TENM3: variants seen among roughly 807,000 people sequenced by gnomAD.
TENM3 encodes the protein teneurin-3.
In TENM3, 63 loss-of-function variants were observed where a neutral mutation model predicts 255.1. That is an observed-to-expected ratio of 0.25 (90% CI 0.20 to 0.30). The LOEUF (loss-of-function observed/expected upper bound fraction) is 0.30, where lower values mean the gene tolerates loss of function less well. Ranked by LOEUF, TENM3 falls within the 10% of genes least tolerant of loss-of-function variation. TENM3 has a pLI of 1.00. For missense variants in TENM3, 2,929 were observed against 3,461.1 expected, an observed-to-expected ratio of 0.85 and a Z score of 3.86; for synonymous variants, 1,306 against 1,322.3, an observed-to-expected ratio of 0.99 and a Z score of 0.27.
chr4:181,649,670 ATTTG>A, the TENM3 span, among the ~76,000 whole-genome samples: 1 of 152,214 alleles, frequency 6.6e-6, no homozygotes, highest in Non-Finnish European at 1.5e-5. Flanking sequence ...AGAATCCGTG[ATTTG>A]TTTGTTTTAA....
the TENM3 span, among the ~76,000 whole-genome samples, chr4:181,572,058 C>CA: frequency 2.6e-5 from 4 of 152,048 alleles, no homozygotes; most frequent in South Asian, 4.1e-4. Context: ...AGAGATGCTG[C>CA]AAAAAATTTC....
chr4:182,599,215 A>G (rs1467832557), intron 3 of TENM3, among the ~76,000 whole-genome samples: 1 of 152,216 alleles, frequency 6.6e-6, no homozygotes, highest in Non-Finnish European at 1.5e-5. Context: ...TGAATAATAA[A>G]TCTTTCATGA....
At chr4:181,454,633 C>T in the TENM3 span, among the ~76,000 whole-genome samples, 1 of 51,138 alleles carries the variant, frequency 2.0e-5, no homozygotes. Context: ...CATTTTTATA[C>T]CATTTTTTTC....
chr4:182,539,324 G>A (rs907797497), intron 3 of TENM3, among the ~76,000 whole-genome samples: 3 of 151,908 alleles, frequency 2.0e-5, no homozygotes, highest in Non-Finnish European at 4.4e-5. Flanking sequence ...TGCTCTGCTT[G>A]ATTCATTTAC....
chr4:182,788,134 C>T (rs939096419), intron 24 of TENM3, among the ~76,000 whole-genome samples: 4 of 152,008 alleles, frequency 2.6e-5, no homozygotes, highest in African/African-American at 9.7e-5. Context: ...TTAAGATGTT[C>T]CCATTTAATT....
intron 1 of TENM3, among the ~76,000 whole-genome samples, chr4:182,166,500 G>A (rs2149673319): frequency 6.6e-6 from 1 of 150,712 alleles, no homozygotes; most frequent in East Asian, 2.0e-4. Context: ...GTATCATTTT[G>A]CAGCTGCCAA....
Position 182,760,367 on chromosome 4 carries a change from T to C in TENM3, c.4892+5108T>C, listed in dbSNP as rs139249288. On this transcript the variant is annotated intron_variant, in intron 22 of 27. Transcript: ENST00000511685. ...AAGAAGTGAAATCCAGTGTATTGAA[T>C]TGGGGAACAGAATACGTTATTTAAT... 6.0e-3 allele frequency among the ~76,000 whole-genome samples: 915 copies of C among 152,280 alleles called. 8 individuals carry two copies. Among genetic ancestry groups the C allele is most frequent in the African/African-American group, 0.021 (881 of 41,550 alleles).
At chr4:181,631,175 T>A in the TENM3 span, among the ~76,000 whole-genome samples, 1 of 152,206 alleles carries the variant, frequency 6.6e-6, no homozygotes, top group Non-Finnish European at 1.5e-5. Flanking sequence ...AGCATCCTGA[T>A]GTCTGTTAGC....
At chr4:182,212,400 A>G (rs1755108535) in intron 1 of TENM3, among the ~76,000 whole-genome samples, 1 of 152,226 alleles carries the variant, frequency 6.6e-6, no homozygotes, top group Non-Finnish European at 1.5e-5. Flanking sequence ...AACAGGCAAG[A>G]ACGCGCCTGG....
the TENM3 span, among the ~76,000 whole-genome samples, chr4:182,100,516 C>A: frequency 1.4e-5 from 2 of 143,906 alleles, no homozygotes; most frequent in Admixed American, 7.1e-5. Context: ...CATATATATA[C>A]ACACATATAT....
intron 6 of TENM3, among the ~76,000 whole-genome samples, chr4:182,657,163 C>T (rs1162850435): frequency 6.6e-6 from 1 of 152,180 alleles, no homozygotes; most frequent in Admixed American, 6.5e-5. Context: ...CAGCATGTTA[C>T]TTCACTGACC....
chr4:182,586,629 A>G (rs1746043698), intron 3 of TENM3, among the ~76,000 whole-genome samples: 2 of 152,338 alleles, frequency 1.3e-5, no homozygotes, highest in South Asian at 4.1e-4. Flanking sequence ...TCCACTTAAC[A>G]GATCACTCTC....
chr4:181,859,115 G>A, the TENM3 span, among the ~76,000 whole-genome samples: 5 of 151,496 alleles, frequency 3.3e-5, no homozygotes, highest in South Asian at 2.1e-4. Context: ...TTGGCCACGC[G>A]CCTGTAGTCC....
chr4:181,750,150 C>T, the TENM3 span, among the ~76,000 whole-genome samples: 1 of 152,162 alleles, frequency 6.6e-6, no homozygotes. Flanking sequence ...TTTCCAGCCA[C>T]GAAACTTGGG....
At chr4:182,124,647 C>A in the TENM3 span, among the ~76,000 whole-genome samples, 3 of 152,104 alleles carry the variant, frequency 2.0e-5, no homozygotes, top group Admixed American at 6.5e-5. Flanking sequence ...CAGGAGAGAA[C>A]GGTGTCCAGA....
Position 182,782,247 on chromosome 4 carries a change from A to G in TENM3, c.5305-6846A>G, listed in dbSNP as rs1349788232. On this transcript the variant is annotated intron_variant, in intron 24 of 27. Coordinates refer to ENST00000511685, the MANE Select transcript of TENM3 (RefSeq NM_001080477.4). ...TTGAATGCGTCCCAGAGATTCTGGT[A>G]TGTTGTGTCTTTGTTCTCGTTGGTT... 4.9e-3 allele frequency among the ~76,000 whole-genome samples: 458 copies of G among 93,706 alleles called. 1 individual carries two copies. The highest frequency in any genetic ancestry group is 0.012 in the South Asian group (28 of 2,276). The allele number at this position is 93,706 out of a possible 152,430, so 61.5% of individuals were successfully genotyped here.
At chr4:181,573,307 G>A in the TENM3 span, among the ~76,000 whole-genome samples, 1 of 151,874 alleles carries the variant, frequency 6.6e-6, no homozygotes, top group South Asian at 2.1e-4. Flanking sequence ...GTTTTTTGAG[G>A]AACCTCCATA....
the TENM3 span, among the ~76,000 whole-genome samples, chr4:181,840,945 A>G: frequency 6.6e-6 from 1 of 152,264 alleles, no homozygotes; most frequent in South Asian, 2.1e-4. Flanking sequence ...AAAGAGGCTT[A>G]TTCCTTTGTC....
chr4:182,238,666 T>A (rs2150051823), upstream of TENM3, among the ~76,000 whole-genome samples: 1 of 152,338 alleles, frequency 6.6e-6, no homozygotes, highest in African/African-American at 2.4e-5. Context: ...TGAAGGAATG[T>A]TTCCCTGACT....
Sources: allele counts gnomAD v4.1 joint callset (sites outside exome capture counted in the v4.1 genomes callset), GRCh38; gene constraint gnomAD v4.1.1; transcripts MANE v1.5; gene names NCBI Gene and HGNC (gene_info 2026-07-23, HGNC 2026-07-21).